FAM135B: variants seen among roughly 807,000 people sequenced by gnomAD.
FAM135B encodes protein FAM135B.
FAM135B carries 43 observed loss-of-function variants against 127.7 expected under a neutral mutation model. That is an observed-to-expected ratio of 0.34 (90% CI 0.26 to 0.43). The LOEUF (loss-of-function observed/expected upper bound fraction) is 0.43. Among genes scored for constraint, FAM135B ranks in the 20% least tolerant of loss-of-function variants. FAM135B has a pLI of 1.00. For missense variants in FAM135B, 1,558 were observed against 1,725.6 expected, an observed-to-expected ratio of 0.90 and a Z score of 1.72; for synonymous variants, 670 against 665.1, an observed-to-expected ratio of 1.01 and a Z score of -0.11.
At chr8:138,188,194 T>A (rs1815760842) in intron 9 of FAM135B, among the ~76,000 whole-genome samples, 1 of 152,184 alleles carries the variant, frequency 6.6e-6, no homozygotes, top group African/African-American at 2.4e-5. Context: ...ATATTCTTTA[T>A]CATAGAACAG....
At chr8:138,350,584 T>C (rs1436316734) in intron 2 of FAM135B, among the ~76,000 whole-genome samples, 2 of 152,102 alleles carry the variant, frequency 1.3e-5, no homozygotes, top group Non-Finnish European at 2.9e-5. Context: ...AGAGATATTG[T>C]AGGCTGTATC....
At chr8:138,399,272 C>A (rs1477968058) in intron 1 of FAM135B, among the ~76,000 whole-genome samples, 1 of 152,094 alleles carries the variant, frequency 6.6e-6, no homozygotes, top group African/African-American at 2.4e-5. Context: ...CCCACAGCAA[C>A]CCTATAAGAT....
chr8:138,200,164 A>G (rs1340323416), intron 7 of FAM135B, among the ~76,000 whole-genome samples: 1 of 152,194 alleles, frequency 6.6e-6, no homozygotes, highest in Non-Finnish European at 1.5e-5. Context: ...TCAGCTCTGA[A>G]GTCTGGCCTT....
rs775154496 is a variant in FAM135B at position 138,325,916 on chromosome 8, C to T, written c.78-14996G>A. On this transcript the variant is annotated intron_variant, in intron 2 of 19. Coordinates refer to ENST00000395297, the MANE Select transcript of FAM135B (RefSeq NM_015912.4). ...TGTGTATAGCAAAACTGAGCTTTAA[C>T]GAATGGTGGGTATTATTACTGCTAT... 7.2e-5 allele frequency among the ~76,000 whole-genome samples: 11 copies of T among 152,106 alleles called. No individual in the cohort carries two copies. The South Asian group carries it at 1.2e-3, about 17-fold the overall frequency.
intron 3 of FAM135B, among the ~76,000 whole-genome samples, chr8:138,288,066 C>T (rs1298004257): frequency 6.6e-6 from 1 of 152,178 alleles, no homozygotes; most frequent in South Asian, 2.1e-4. Flanking sequence ...AAAATTAGTA[C>T]AAAAACAACA....
At chr8:138,347,476 C>T (rs1028872496) in intron 2 of FAM135B, among the ~76,000 whole-genome samples, 1 of 152,142 alleles carries the variant, frequency 6.6e-6, no homozygotes, top group South Asian at 2.1e-4. Context: ...TCTGCATGAG[C>T]GTAGTGCATG....
intron 1 of FAM135B, among the ~76,000 whole-genome samples, chr8:138,422,124 A>C (rs2131459521): frequency 6.6e-6 from 1 of 152,278 alleles, no homozygotes; most frequent in African/African-American, 2.4e-5. Context: ...GTCAACACAA[A>C]ATGGATTAAA....
chr8:138,347,765 T>C (rs1362690881), intron 2 of FAM135B, among the ~76,000 whole-genome samples: 2 of 152,106 alleles, frequency 1.3e-5, no homozygotes, highest in Non-Finnish European at 2.9e-5. Context: ...AATATGACCT[T>C]AGAGATTCCC....
intron 12 of FAM135B, among the ~76,000 whole-genome samples, chr8:138,156,290 T>TA (rs1470258989): frequency 1.2e-4 from 19 of 152,202 alleles, no homozygotes; most frequent in South Asian, 6.2e-4. Flanking sequence ...GGGACACATT[T>TA]AAGCAGTGTG....
At chr8:138,357,085 A>G (rs562243668) in intron 2 of FAM135B, among the ~76,000 whole-genome samples, 4 of 152,238 alleles carry the variant, frequency 2.6e-5, no homozygotes, top group Non-Finnish European at 1.5e-5. Context: ...AAAGCAAGAC[A>G]AGCAGCAAGA....
At position 138,316,703 on chromosome 8, in the gene FAM135B, G is replaced by A. The variant is rs548922201; in HGVS notation, c.78-5783C>T. Among the ~76,000 whole-genome samples, 42 of 152,104 alleles carry A rather than the reference G, an allele frequency of 2.8e-4. No individual in the cohort carries two copies. The East Asian group carries it at 7.4e-3, about 27-fold the overall frequency. On this transcript the variant is annotated intron_variant, in intron 2 of 19. Coordinates refer to ENST00000395297, the MANE Select transcript of FAM135B (RefSeq NM_015912.4). ...TTCTTTAAAAATTAAACATACGGCC[G>A]GGCGTGGTGGCTCACGCCTGTAATC...
At chr8:138,444,875 G>A (rs1336455462) in intron 1 of FAM135B, among the ~76,000 whole-genome samples, 2 of 152,024 alleles carry the variant, frequency 1.3e-5, no homozygotes, top group Non-Finnish European at 2.9e-5. Flanking sequence ...CTGGTTTTTT[G>A]AAAAGATCAA....
rs1822398255 is a variant in FAM135B at position 138,259,770 on chromosome 8, T to G, written c.298-3011A>C. 3.3e-5 allele frequency among the ~76,000 whole-genome samples: 5 copies of G among 152,148 alleles called. No homozygotes were observed. The South Asian group carries it at 1.0e-3, about 32-fold the overall frequency. On this transcript the variant is annotated intron_variant, in intron 4 of 19. Transcript: ENST00000395297. ...AAAACAGGAGTAGTAAAACACCTCA[T>G]CACCTTGTTGCAATAATTCAATGAG... is the stretch of plus-strand genomic sequence containing the variant.
intron 12 of FAM135B, among the ~76,000 whole-genome samples, chr8:138,156,034 A>G (rs1818702897): frequency 6.6e-6 from 1 of 152,224 alleles, no homozygotes; most frequent in African/African-American, 2.4e-5. Flanking sequence ...AAAACTGACC[A>G]AATAGATGGA....
intron 7 of FAM135B, among the ~76,000 whole-genome samples, chr8:138,232,500 T>C (rs1030879885): frequency 2.6e-5 from 4 of 152,224 alleles, no homozygotes; most frequent in African/African-American, 9.6e-5. Context: ...TGGATTCATA[T>C]GCAGATTGAT....
intron 1 of FAM135B, among the ~76,000 whole-genome samples, chr8:138,447,938 A>G (rs1280900338): frequency 6.6e-6 from 1 of 151,734 alleles, no homozygotes; most frequent in African/African-American, 2.4e-5. Context: ...ACGTGACCAT[A>G]CTCTTTAGGT....
chr8:138,298,691 T>G (rs1314601210), intron 3 of FAM135B, among the ~76,000 whole-genome samples: 1 of 151,980 alleles, frequency 6.6e-6, no homozygotes, highest in Non-Finnish European at 1.5e-5. Flanking sequence ...ACTGTCTGAG[T>G]TAGAACCCTG....
chr8:138,304,838 C>T (rs1336953221), intron 3 of FAM135B, among the ~76,000 whole-genome samples: 2 of 152,202 alleles, frequency 1.3e-5, no homozygotes, highest in Non-Finnish European at 1.5e-5. Flanking sequence ...GGAAAGGGCC[C>T]TGGGCTTGGC....
intron 2 of FAM135B, among the ~76,000 whole-genome samples, chr8:138,320,652 T>C (rs1827388690): frequency 6.6e-6 from 1 of 152,174 alleles, no homozygotes; most frequent in Non-Finnish European, 1.5e-5. Flanking sequence ...CTGTTCTCAG[T>C]TGATTAGAGA....
Sources: allele counts gnomAD v4.1 joint callset (sites outside exome capture counted in the v4.1 genomes callset), GRCh38; gene constraint gnomAD v4.1.1; transcripts MANE v1.5; gene names NCBI Gene and HGNC (gene_info 2026-07-23, HGNC 2026-07-21).